CAMSAP2: variants seen among roughly 807,000 people sequenced by gnomAD.
CAMSAP2 encodes the protein calmodulin regulated spectrin associated protein family member 2.
A neutral mutation model predicts 146.1 loss-of-function variants in CAMSAP2; 26 were observed. The ratio of observed to expected loss-of-function variants is 0.18; its 90% confidence interval spans 0.13 to 0.25. CAMSAP2 has a LOEUF of 0.25. Ranked by LOEUF, CAMSAP2 falls within the 10% of genes least tolerant of loss-of-function variation. The probability of loss-of-function intolerance (pLI) is 1.00; values close to 1 mark genes in which losing one functional copy is unlikely to be tolerated. For missense variants in CAMSAP2, 1,381 were observed against 1,759.3 expected (o/e 0.78, Z 3.85); for synonymous variants, 499 against 596.6 (o/e 0.84, Z 2.38).
In CAMSAP2 at chr1:200,849,127, A is replaced by G. The variant is rs1558208977; in HGVS notation, c.2358A>G (p.Ala786=). The G allele has an allele frequency of 1.2e-6, 2 of 1,614,064 alleles. No individual in the cohort carries two copies. The highest frequency in any genetic ancestry group is 1.7e-6 in the Non-Finnish European group (2 of 1,180,028). The change falls in exon 11 of 17, where the codon GCA becomes GCG. Residue 786 remains alanine (A), a synonymous_variant. Coordinates refer to ENST00000358823, the MANE Select transcript of CAMSAP2 (RefSeq NM_203459.4). The surrounding 1 kb of genome is among the most constrained non-coding windows in gnomAD (Gnocchi z 6.3). The part of the protein sequence containing the change: ...TKQRQKMGRT[A]FLTVVKKKGD... ...AGAGACAGAAAATGGGAAGGACAGC[A>G]TTCCTTACTGTAGTGAAAAAGAAAG...
At position 200,849,776 on chromosome 1, in the gene CAMSAP2, C is replaced by T. The variant is rs1667566157; in HGVS notation, c.3007C>T (p.Arg1003Trp). 1.9e-6 allele frequency: 3 copies of T among 1,614,164 alleles called. No individual in the cohort carries two copies. The highest frequency in any genetic ancestry group is 2.5e-6 in the Non-Finnish European group (3 of 1,180,020). The change falls in exon 11 of 17, where the codon CGG (arginine) becomes TGG (tryptophan). Residue 1003 changes from arginine (R) to tryptophan (W), a missense_variant. Around this residue, in one of 4 missense-constraint regions of CAMSAP2, gnomAD observed 560 missense variants for 715.9 expected, o/e 0.78. Coordinates refer to ENST00000358823, the MANE Select transcript of CAMSAP2 (RefSeq NM_203459.4). The surrounding 1 kb of genome is among the most constrained non-coding windows in gnomAD (Gnocchi z 6.3). ...TCCTCGGTCTGTGGATAGCCTTCCT[C>T]GGTTAAGGAGGTTTTCACCAAGTCA... Reference protein sequence around the residue: ...TPPRSVDSLPRLRRFSPSQVP... With the variant: ...TPPRSVDSLPWLRRFSPSQVP...
At chr1:200,755,282 C>T (rs1664616777) in intron 1 of CAMSAP2, among the ~76,000 whole-genome samples, 1 of 152,146 alleles carries the variant, frequency 6.6e-6, no homozygotes, top group Non-Finnish European at 1.5e-5. Flanking sequence ...ATAGCTAAAT[C>T]TATTTCTTTT....
rs913687525 is a variant in CAMSAP2 at position 200,854,874 on chromosome 1, G to A, written c.3881G>A (p.Gly1294Asp). The change falls in exon 14 of 17, where the codon GGC becomes GAC. Residue 1294 changes from glycine to aspartate, a missense_variant. Coordinates refer to ENST00000358823, the MANE Select transcript of CAMSAP2 (RefSeq NM_203459.4). Reference sequence around the variant, plus strand: ...GGTGATAACGAGAGTGTACATTCAGGCAAGAGGACGCCAAGGTAAATCTAT... The same window carrying A: ...GGTGATAACGAGAGTGTACATTCAGACAAGAGGACGCCAAGGTAAATCTAT... ...NTGDNESVHS[G>D]KRTPRSESVE... 3 of 1,608,808 alleles carry A rather than the reference G, an allele frequency of 1.9e-6. No individual in the cohort carries two copies. Among genetic ancestry groups the A allele is most frequent in the African/African-American group, 2.7e-5 (2 of 74,824 alleles).
At chr1:200,811,077 A>G (rs890580163) in intron 3 of CAMSAP2, among the ~76,000 whole-genome samples, 3 of 152,324 alleles carry the variant, frequency 2.0e-5, no homozygotes, top group East Asian at 1.9e-4. Flanking sequence ...GAGTTGGTCA[A>G]AAAGGCAAAT....
At chr1:200,746,497 A>G (rs1349634203) in intron 1 of CAMSAP2, among the ~76,000 whole-genome samples, 2 of 152,182 alleles carry the variant, frequency 1.3e-5, no homozygotes, top group Non-Finnish European at 2.9e-5. Flanking sequence ...TGAGGAATAT[A>G]AAATGGTGGT....
chr1:200,789,889 T>A (rs1190438142), intron 2 of CAMSAP2, among the ~76,000 whole-genome samples: 1 of 152,234 alleles, frequency 6.6e-6, no homozygotes, highest in African/African-American at 2.4e-5. Context: ...ATACTTAGTA[T>A]TTATAATTTG....
intron 2 of CAMSAP2, among the ~76,000 whole-genome samples, chr1:200,770,102 G>C (rs1665074076): frequency 6.6e-6 from 1 of 152,164 alleles, no homozygotes; most frequent in Non-Finnish European, 1.5e-5. Context: ...GAAGATGTGA[G>C]GTGTGGGATT....
chr1:200,746,307 G>A (rs1335300774), intron 1 of CAMSAP2, among the ~76,000 whole-genome samples: 1 of 152,154 alleles, frequency 6.6e-6, no homozygotes, highest in African/African-American at 2.4e-5. Context: ...GTAGTGGTGG[G>A]TATGGAAAGA....
intron 2 of CAMSAP2, among the ~76,000 whole-genome samples, chr1:200,775,779 C>G (rs550374435): frequency 2.0e-5 from 3 of 152,282 alleles, no homozygotes; most frequent in East Asian, 1.9e-4. Flanking sequence ...GATCCACCCC[C>G]CTCGGCCTCC....
chr1:200,827,635 G>A (rs1571805791), intron 4 of CAMSAP2, among the ~76,000 whole-genome samples: 1 of 151,990 alleles, frequency 6.6e-6, no homozygotes, highest in South Asian at 2.1e-4. Flanking sequence ...TTCTTCAGGT[G>A]ACATTTTTCT....
intron 1 of CAMSAP2, among the ~76,000 whole-genome samples, chr1:200,758,033 C>T (rs1664696370): frequency 6.6e-6 from 1 of 152,166 alleles, no homozygotes; most frequent in Admixed American, 6.5e-5. Context: ...CTATGTGCCC[C>T]TGGGCAAGAT....
At chr1:200,753,646 G>A (rs1393468318) in intron 1 of CAMSAP2, among the ~76,000 whole-genome samples, 1 of 152,206 alleles carries the variant, frequency 6.6e-6, no homozygotes, top group Non-Finnish European at 1.5e-5. Flanking sequence ...TGGAGACCCA[G>A]GAACTGGAGA....
intron 2 of CAMSAP2, among the ~76,000 whole-genome samples, chr1:200,776,485 A>G (rs773421628): frequency 2.0e-5 from 3 of 152,216 alleles, no homozygotes; most frequent in Non-Finnish European, 4.4e-5. Context: ...GTCAATGTTC[A>G]TCCTGCCTGT....
chr1:200,852,657 G>A lies in CAMSAP2; in HGVS notation c.3582G>A (p.Glu1194=). ...AACAACAGTTGGAAGCAGAAATGGAGCATAAGAAGGAGGAAACAAGGTAAA... is the reference window on the plus strand; with the variant it reads ...AACAACAGTTGGAAGCAGAAATGGAACATAAGAAGGAGGAAACAAGGTAAA... ...LRKQQLEAEM[E]HKKEETRRKT... is the part of the protein sequence containing the mutation. The change falls in exon 12 of 17, where the codon GAG becomes GAA. Residue 1194 remains glutamate, a synonymous_variant. Coordinates refer to ENST00000358823, the MANE Select transcript of CAMSAP2 (RefSeq NM_203459.4). 1 of 1,613,362 alleles carries A rather than the reference G, an allele frequency of 6.2e-7. No homozygotes were observed. The highest frequency in any genetic ancestry group is 8.5e-7 in the Non-Finnish European group (1 of 1,179,830).
intron 2 of CAMSAP2, among the ~76,000 whole-genome samples, chr1:200,806,326 C>T (rs1571775156): frequency 6.6e-6 from 1 of 152,184 alleles, no homozygotes; most frequent in Non-Finnish European, 1.5e-5. Flanking sequence ...AAAGGATGCT[C>T]ATCTTCAGTG....
Position 200,832,412 on chromosome 1 carries a change from G to T in CAMSAP2, c.787+71G>T. On this transcript the variant is annotated intron_variant, in intron 5 of 16. Transcript: ENST00000358823. The surrounding 1 kb of genome is among the most constrained non-coding windows in gnomAD (Gnocchi z 4.2). The stretch of plus-strand genomic sequence containing the variant: ...CCAATATTTAAGACAGTATTATTTT[G>T]CACTCCAGCCTAGGTGACTGAGTGG... 1 of 1,433,606 alleles carries T rather than the reference G, an allele frequency of 7.0e-7. No individual in the cohort carries two copies. The allele number at this position is 1,433,606 out of a possible 1,614,324, so 88.8% of individuals were successfully genotyped here.
chr1:200,773,015 A>G (rs1473382913), intron 2 of CAMSAP2, among the ~76,000 whole-genome samples: 4 of 152,210 alleles, frequency 2.6e-5, no homozygotes, highest in Non-Finnish European at 5.9e-5. Flanking sequence ...AGCAACTGTA[A>G]GTATGAGGGA....
At chr1:200,807,289 A>T (rs2102143988) in intron 2 of CAMSAP2, 87 bp from the exon 3 acceptor site, 2 of 992,886 alleles carry the variant, frequency 2.0e-6, no homozygotes, top group East Asian at 5.8e-5. Context: ...GCTGCTTGTT[A>T]GGAGATGTCA....
intron 2 of CAMSAP2, among the ~76,000 whole-genome samples, chr1:200,778,802 GT>G (rs1228321791): frequency 2.6e-5 from 4 of 152,012 alleles, no homozygotes; most frequent in African/African-American, 9.7e-5. Flanking sequence ...TAGTTGGATT[GT>G]ATTGATCTAG....
Sources: gnomAD v4.1 joint callset for allele counts (sites outside exome capture counted in the v4.1 genomes callset) on GRCh38, gnomAD v4.1.1 for gene constraint, gnomAD v4.1.1 regional missense constraint, Gnocchi (gnomAD v3.1) non-coding constraint, MANE v1.5 for transcripts, NCBI Gene and HGNC (gene_info 2026-07-23, HGNC 2026-07-21) for gene names.